CAPN1: variants seen among roughly 807,000 people sequenced by gnomAD.
CAPN1 encodes the protein calpain-1 catalytic subunit.
In CAPN1, 77 loss-of-function variants were observed where a neutral mutation model predicts 105.2. The observed-to-expected ratio is 0.73, with a 90% CI of 0.61 to 0.88. CAPN1 has a LOEUF of 0.88. Among genes scored for constraint, CAPN1 ranks in the 40% least tolerant of loss-of-function variants. CAPN1 has a pLI of 0.00. For synonymous variants in CAPN1, 355 were observed against 388.8 expected (o/e 0.91, Z 1.02); for missense variants, 833 against 976.6 (o/e 0.85, Z 1.96).
chr11:65,192,740 G>A (rs1450626692), intron 10 of CAPN1, among the ~76,000 whole-genome samples: 1 of 151,564 alleles, frequency 6.6e-6, no homozygotes, highest in African/African-American at 2.4e-5. Context: ...TGAGTAGCTG[G>A]GACTACACAG....
At position 65,187,265 on chromosome 11, in the gene CAPN1, G is replaced by A; in HGVS notation, c.810G>A (p.Lys270=). The A allele has an allele frequency of 6.2e-7, 1 of 1,613,424 alleles. No homozygotes were observed. The highest frequency in any genetic ancestry group is 1.6e-4 in the Middle Eastern group (1 of 6,062). The change falls in exon 7 of 22, where the codon AAG becomes AAA. Residue 270 remains lysine (K), a synonymous_variant. Coordinates refer to ENST00000279247, the MANE Select transcript of CAPN1 (RefSeq NM_005186.4). ...CCATCACTTTCAAGAAGTTGGTGAAGGGCCATGCCTACTCTGTGACCGGGG... is the reference window on the plus strand; with the variant it reads ...CCATCACTTTCAAGAAGTTGGTGAAAGGCCATGCCTACTCTGTGACCGGGG... ...MEAITFKKLV[K]GHAYSVTGAK...
chr11:65,185,977 G>C lies in CAPN1; in HGVS notation c.517G>C (p.Gly173Arg), dbSNP rs199993600. Reference sequence around the variant, plus strand: ...GGATGACCTGCTGCCCATCAAGGACGGGAAGCTAGTGTTCGTGCACTCTGC... The same window carrying C: ...GGATGACCTGCTGCCCATCAAGGACCGGAAGCTAGTGTTCGTGCACTCTGC... Reference protein sequence around the residue: ...VVDDLLPIKDGKLVFVHSAEG... With the variant: ...VVDDLLPIKDRKLVFVHSAEG... Residue 173 changes from glycine to arginine, a missense_variant, in exon 5 of 22, where the codon GGG becomes CGG. Coordinates refer to ENST00000279247, the MANE Select transcript of CAPN1 (RefSeq NM_005186.4). The C allele has an allele frequency of 6.2e-7, 1 of 1,602,986 alleles. No homozygotes were observed. The highest frequency in any genetic ancestry group is 1.3e-5 in the African/African-American group (1 of 74,758).
chr11:65,196,127 A>G (rs912474744), intron 10 of CAPN1, among the ~76,000 whole-genome samples: 1 of 151,888 alleles, frequency 6.6e-6, no homozygotes, highest in African/African-American at 2.4e-5. Flanking sequence ...TCTCCTGTTT[A>G]GGCCAGGTAA....
chr11:65,193,841 C>A (rs542730594), intron 10 of CAPN1, among the ~76,000 whole-genome samples: 1 of 151,766 alleles, frequency 6.6e-6, no homozygotes, highest in Admixed American at 6.6e-5. Context: ...GTGATCCTCT[C>A]ACTTCAGCCT....
rs1052248788 is a variant in CAPN1, at chr11:65,183,203, C to G, written c.337+6C>G. ...CATCTGCCAGGGAGCACTGGGTAGG[C>G]CCCCAGGGCGTCGGGTCCCGGGTAT... is the stretch of plus-strand genomic sequence containing the variant. On this transcript the variant is annotated splice_donor_region_variant and intron_variant, in intron 3 of 21. Transcript: ENST00000279247. 1 of 1,613,324 alleles carries G rather than the reference C, an allele frequency of 6.2e-7. No homozygotes were observed. Among genetic ancestry groups the G allele is most frequent in the Non-Finnish European group, 8.5e-7 (1 of 1,179,278 alleles).
At chr11:65,181,377 C>T (rs868654807), upstream of CAPN1, 16 of 284,556 alleles carry the variant, frequency 5.6e-5, no homozygotes, top group Non-Finnish European at 1.2e-4. The surrounding 1 kb of genome is among the most constrained non-coding windows in gnomAD (Gnocchi z 4.6). Context: ...GCTGCCAGCC[C>T]GGCCCCTCCT....
chr11:65,204,407 C>T (rs941153604), intron 10 of CAPN1, among the ~76,000 whole-genome samples: 4 of 152,122 alleles, frequency 2.6e-5, no homozygotes, highest in Non-Finnish European at 5.9e-5. Context: ...CGCATAGGTC[C>T]CCTACTCTGA....
intron 14 of CAPN1, among the ~76,000 whole-genome samples, chr11:65,207,168 G>A (rs536529198): frequency 1.3e-5 from 2 of 150,922 alleles, no homozygotes; most frequent in Admixed American, 1.3e-4. Flanking sequence ...GAACTTGCCT[G>A]AGGCCATACA....
intron 10 of CAPN1, among the ~76,000 whole-genome samples, chr11:65,190,469 C>T (rs185924579): frequency 2.6e-5 from 4 of 152,292 alleles, no homozygotes; most frequent in Admixed American, 6.5e-5. Flanking sequence ...AGATAACCAC[C>T]GTTCCCTGTA....
At chr11:65,201,235 C>T (rs952996616) in intron 10 of CAPN1, among the ~76,000 whole-genome samples, 4 of 151,296 alleles carry the variant, frequency 2.6e-5, no homozygotes, top group African/African-American at 7.3e-5. Flanking sequence ...TGAGCCACCA[C>T]GCCTGGTCGT....
In CAPN1 at chr11:65,211,683, C is replaced by T. The variant is rs1040737929; in HGVS notation, c.*397C>T. 4.5e-5 allele frequency: 11 copies of T among 243,828 alleles called. No homozygotes were observed. Among genetic ancestry groups the T allele is most frequent in the African/African-American group, 1.3e-4 (6 of 46,160 alleles). The allele number at this position is 243,828 out of a possible 1,614,324, so 15.1% of individuals were successfully genotyped here. A position where few individuals can be genotyped will look rare whatever the true frequency, so the allele number is the denominator to read the frequency against. ...AGACTATAAACTATAACCACTAGCT[C>T]GACACAGTCTGCAGTCCAGGCGTGT... On this transcript the variant is annotated 3_prime_UTR_variant, in exon 22 of 22. Transcript: ENST00000279247.
chr11:65,206,387 G>A (rs1948957231), intron 12 of CAPN1, 76 bp from the exon 13 acceptor site: 1 of 1,147,338 alleles, frequency 8.7e-7, no homozygotes, highest in African/African-American at 1.5e-5. Flanking sequence ...GGAGCCTGGA[G>A]TCTGGGTCTG....
At chr11:65,191,541 G>T (rs577332240) in intron 10 of CAPN1, among the ~76,000 whole-genome samples, 71 of 152,170 alleles carry the variant, frequency 4.7e-4, no homozygotes, top group African/African-American at 1.6e-3. Flanking sequence ...ACCACACCTG[G>T]CTAATTTTTG....
rs778243946 is a variant in CAPN1 at position 65,186,374 on chromosome 11, G to A, written c.759+36G>A. 3.8e-6 allele frequency: 6 copies of A among 1,576,906 alleles called. No homozygotes were observed. In the South Asian group the frequency reaches 5.8e-5, roughly 15 times the overall value. On this transcript the variant is annotated intron_variant, in intron 6 of 21. Transcript: ENST00000279247. ...CCGGCCCCGATGCTTTGGTACCCTGGAACCCTGGTATCCTGACCTGTCACA... is the reference window on the plus strand; with the variant it reads ...CCGGCCCCGATGCTTTGGTACCCTGAAACCCTGGTATCCTGACCTGTCACA...
At chr11:65,203,160 C>T (rs1948896272) in intron 10 of CAPN1, among the ~76,000 whole-genome samples, 1 of 151,686 alleles carries the variant, frequency 6.6e-6, no homozygotes, top group Non-Finnish European at 1.5e-5. Flanking sequence ...GTTTCATCCA[C>T]TCAGCTGTTA....
At chr11:65,205,617 C>T (rs938579007) in intron 11 of CAPN1, 93 bp from the exon 12 acceptor site, 49 of 1,258,042 alleles carry the variant, frequency 3.9e-5, no homozygotes, top group Middle Eastern at 1.9e-4. Context: ...CCATCAGTCC[C>T]GTCTAAGAAC....
Position 65,183,170 on chromosome 11 carries a change from C to G in CAPN1, c.310C>G (p.Arg104Gly). The G allele has an allele frequency of 6.2e-7, 1 of 1,613,918 alleles. No homozygotes were observed. The part of the protein sequence containing the change: ...NPQFIVDGAT[R>G]TDICQGALGD... ...CCAGTTCATTGTGGATGGAGCTACC[C>G]GCACAGACATCTGCCAGGGAGCACT... The change falls in exon 3 of 22, where the codon CGC (arginine) becomes GGC (glycine). Residue 104 changes from arginine (R) to glycine (G), a missense_variant. Coordinates refer to ENST00000279247, the MANE Select transcript of CAPN1 (RefSeq NM_005186.4).
intron 10 of CAPN1, chr11:65,203,740 A>G (rs1948907244): frequency 1.3e-5 from 2 of 152,194 alleles, no homozygotes; most frequent in Admixed American, 6.6e-5. Context: ...TTTCTGGGTC[A>G]TATGAAGCTC....
At chr11:65,205,759 C>T (rs1422929342) in intron 12 of CAPN1, 38 bp downstream of exon 12, 36 of 1,605,652 alleles carry the variant, frequency 2.2e-5, no homozygotes, top group Non-Finnish European at 3.0e-5. Flanking sequence ...AGTCACACAC[C>T]CCTGATGGTG....
Sources: gnomAD v4.1 joint callset for allele counts (sites outside exome capture counted in the v4.1 genomes callset) on GRCh38, gnomAD v4.1.1 for gene constraint, Gnocchi (gnomAD v3.1) non-coding constraint, MANE v1.5 for transcripts, NCBI Gene and HGNC (gene_info 2026-07-23, HGNC 2026-07-21) for gene names.